Variants in MAPKBP1 observed in about 807,000 individuals in gnomAD.
MAPKBP1 encodes mitogen-activated protein kinase-binding protein 1.
MAPKBP1 carries 71 observed loss-of-function variants against 170.5 expected under a neutral mutation model. The observed-to-expected ratio is 0.42, with a 90% CI of 0.34 to 0.51. MAPKBP1 has a LOEUF of 0.51. MAPKBP1 is among the 20% of genes least tolerant of loss of function. The pLI is 0.06. For synonymous variants in MAPKBP1, 719 were observed against 757.9 expected (o/e 0.95, Z 0.84); for missense variants, 1,598 against 1,933.0 (o/e 0.83, Z 3.25).
chr15:41,797,180 A>G (rs2064506618), intron 2 of MAPKBP1, among the ~76,000 whole-genome samples: 1 of 152,106 alleles, frequency 6.6e-6, no homozygotes, highest in Non-Finnish European at 1.5e-5. Flanking sequence ...CACCTACCCA[A>G]ATTCCTGTTA....
At chr15:41,786,042 C>G (rs1404994167) in intron 2 of MAPKBP1, among the ~76,000 whole-genome samples, 2 of 151,988 alleles carry the variant, frequency 1.3e-5, no homozygotes, top group Non-Finnish European at 2.9e-5. Context: ...TTGTACCTGC[C>G]AGAAAGAATG....
intron 3 of MAPKBP1, among the ~76,000 whole-genome samples, chr15:41,800,258 TA>T (rs992032120): frequency 1.3e-5 from 2 of 152,224 alleles, no homozygotes; most frequent in Non-Finnish European, 2.9e-5. Flanking sequence ...ACTCACTATT[TA>T]AAATACCCAA....
intron 2 of MAPKBP1, among the ~76,000 whole-genome samples, chr15:41,779,186 C>T (rs1055692863): frequency 6.6e-5 from 10 of 152,040 alleles, no homozygotes; most frequent in African/African-American, 1.4e-4. Flanking sequence ...AGTGTTTGAA[C>T]GCATATATGA....
chr15:41,785,228 T>C (rs1307517732), intron 2 of MAPKBP1, among the ~76,000 whole-genome samples: 1 of 152,250 alleles, frequency 6.6e-6, no homozygotes, highest in Non-Finnish European at 1.5e-5. Flanking sequence ...TCGCCTCTTC[T>C]GTTCCAACAT....
intron 2 of MAPKBP1, among the ~76,000 whole-genome samples, chr15:41,795,411 G>A (rs1436216067): frequency 6.6e-6 from 1 of 151,884 alleles, no homozygotes; most frequent in African/African-American, 2.4e-5. Context: ...GGCTGGGGTG[G>A]AGTGAGTGAG....
At chr15:41,794,697 C>A (rs1296253135) in intron 2 of MAPKBP1, among the ~76,000 whole-genome samples, 1 of 152,090 alleles carries the variant, frequency 6.6e-6, no homozygotes, top group Non-Finnish European at 1.5e-5. Flanking sequence ...TATCAAGTGC[C>A]CATTGTATGC....
chr15:41,791,915 T>G (rs911059852), intron 2 of MAPKBP1, among the ~76,000 whole-genome samples: 9 of 151,766 alleles, frequency 5.9e-5, no homozygotes, highest in African/African-American at 1.7e-4. Context: ...ATTAGCCAGG[T>G]GTGGTGGCGC....
chr15:41,774,522 A>G lies in MAPKBP1; in HGVS notation c.-198A>G, dbSNP rs911474154. 1 of 398,422 alleles carries G rather than the reference A, an allele frequency of 2.5e-6. No homozygotes were observed. 24.7% of individuals were successfully genotyped at this position (398,422 alleles called of 1,614,324 possible). On this transcript the variant is annotated 5_prime_UTR_variant, in exon 1 of 31. Coordinates refer to ENST00000457542, the MANE Select transcript of MAPKBP1 (RefSeq NM_014994.3). ...CACCATAGCTCCTGCTGCTGCCTCT[A>G]CCGCTGCGGCTACCGCGGCGGAGCT...
chr15:41,820,767 TG>T, intron 22 of MAPKBP1, 64 bp from the exon 23 acceptor site: 2 of 1,191,680 alleles, frequency 1.7e-6, no homozygotes, highest in Non-Finnish European at 2.5e-6. Context: ...AAGGGATATG[TG>T]GATATTTGTT....
rs370019591 is a variant in MAPKBP1, at chr15:41,822,094, G to A, written c.3015G>A (p.Pro1005=). 54 of 1,607,128 alleles carry A rather than the reference G, an allele frequency of 3.4e-5. No homozygotes were observed. In the African/African-American group the frequency reaches 5.5e-4, roughly 16 times the overall value. Residue 1005 remains proline, a synonymous_variant, in exon 25 of 31, where the codon CCG becomes CCA. Transcript: ENST00000457542. ...VDYSSSCLSS[P]EHPTEDSEST... ...ACAGCAGCAGCTGCCTTTCCAGCCC[G>A]GAGCACCCCACTGAAGGTGAGGCTG...
chr15:41,774,560 C>T lies in MAPKBP1; in HGVS notation c.-160C>T, dbSNP rs1447844923. 3 of 398,682 alleles carry T rather than the reference C, an allele frequency of 7.5e-6. No individual in the cohort carries two copies. Among genetic ancestry groups the T allele is most frequent in the Admixed American group, 8.8e-5 (2 of 22,742 alleles). The allele number at this position is 398,682 out of a possible 1,614,324, so 24.7% of individuals were successfully genotyped here. A position where few individuals can be genotyped will look rare whatever the true frequency, so the allele number is the denominator to read the frequency against. On this transcript the variant is annotated 5_prime_UTR_variant, in exon 1 of 31. In the 5' UTR this introduces an upstream ATG that the reference lacks. Transcript: ENST00000457542. ...CCGCGGCGGAGCTGAAATTGCCGAA[C>T]GCGATGCCCGAGGGCGCTGTGAGCG...
intron 2 of MAPKBP1, among the ~76,000 whole-genome samples, chr15:41,777,491 C>T (rs917590055): frequency 1.3e-5 from 2 of 152,170 alleles, no homozygotes; most frequent in African/African-American, 4.8e-5. Flanking sequence ...AATAGGAATT[C>T]AGTGCTTCAG....
intron 8 of MAPKBP1, chr15:41,813,384 T>C: frequency 6.6e-7 from 1 of 1,521,680 alleles, no homozygotes; most frequent in South Asian, 1.1e-5. Flanking sequence ...TTTCTCATGC[T>C]ATTTCTTTCT....
chr15:41,786,114 G>A (rs1050352016), intron 2 of MAPKBP1, among the ~76,000 whole-genome samples: 9 of 152,006 alleles, frequency 5.9e-5, no homozygotes, highest in African/African-American at 1.9e-4. Context: ...GGGGAAAAAA[G>A]CAAATTGTAT....
Position 41,827,125 on chromosome 15 carries a change from G to GTA in MAPKBP1, c.*1690_*1691insAT, listed in dbSNP as rs1555456131. ...AGCCTGGCCAACATGGTGAAACCCTGTCTACTAAAAATAAAAAAATTAGCT... is the reference window on the plus strand; with the variant it reads ...AGCCTGGCCAACATGGTGAAACCCTGTATCTACTAAAAATAAAAAAATTAGCT... On this transcript the variant is annotated 3_prime_UTR_variant, in exon 31 of 31. Coordinates refer to ENST00000457542, the MANE Select transcript of MAPKBP1 (RefSeq NM_014994.3). The GTA allele has an allele frequency of 3.3e-5, 5 of 151,522 alleles. No individual in the cohort carries two copies. Among genetic ancestry groups the GTA allele is most frequent in the South Asian group, 2.1e-4 (1 of 4,796 alleles). The allele number at this position is 151,522 out of a possible 1,614,324, so 9.4% of individuals were successfully genotyped here.
rs537768262 is a variant in MAPKBP1 at position 41,819,345 on chromosome 15, G to T, written c.2391G>T (p.Leu797=). The T allele has an allele frequency of 9.3e-4, 1,500 of 1,614,194 alleles. 27 individuals are homozygous for T. In the South Asian group the frequency reaches 0.016, roughly 17 times the overall value. ...DEGTEEELPA[L]PVLAKSTKKA... is the part of the protein sequence containing the mutation. ...GGACTGAAGAAGAACTTCCAGCACT[G>T]CCCGTCCTTGCCAAGAGTACCAAGA... The change falls in exon 21 of 31, where the codon CTG becomes CTT. Residue 797 remains leucine (L), a synonymous_variant. Transcript: ENST00000457542.
At position 41,817,385 on chromosome 15, in the gene MAPKBP1, T is replaced by C; in HGVS notation, c.1712-3T>C. 1.2e-6 allele frequency: 2 copies of C among 1,614,128 alleles called. No homozygotes were observed. Among genetic ancestry groups the C allele is most frequent in the African/African-American group, 2.7e-5 (2 of 75,030 alleles). On this transcript the variant is annotated splice_region_variant and splice_polypyrimidine_tract_variant and intron_variant, in intron 14 of 30. Transcript: ENST00000457542. This position sits in a 1 kb window ranked among gnomAD's most constrained non-coding sequence, Gnocchi z 4.2. ...GGAACAGCTGGGCTTCCCTCCTTCA[T>C]AGCCAGTGATGGGCAAGTCCGCATG...
Position 41,774,577 on chromosome 15 carries a change from C to G in MAPKBP1, c.-143C>G, listed in dbSNP as rs563978601. 1.3e-5 allele frequency: 5 copies of G among 398,718 alleles called. No homozygotes were observed. The highest frequency in any genetic ancestry group is 8.2e-5 in the African/African-American group (4 of 48,772). The allele number at this position is 398,718 out of a possible 1,614,324, so 24.7% of individuals were successfully genotyped here. A position where few individuals can be genotyped will look rare whatever the true frequency, so the allele number is the denominator to read the frequency against. On this transcript the variant is annotated 5_prime_UTR_variant, in exon 1 of 31. Transcript: ENST00000457542. The stretch of plus-strand genomic sequence containing the variant: ...TTGCCGAACGCGATGCCCGAGGGCG[C>G]TGTGAGCGGGGTGGCCTTAGCTCGC...
chr15:41,812,644 G>A lies in MAPKBP1; in HGVS notation c.627G>A (p.Lys209=). 1 of 1,601,864 alleles carries A rather than the reference G, an allele frequency of 6.2e-7. No individual in the cohort carries two copies. The highest frequency in any genetic ancestry group is 1.1e-5 in the South Asian group (1 of 89,292). Residue 209 remains lysine (K), a synonymous_variant, in exon 7 of 31, where the codon AAG becomes AAA. Transcript: ENST00000457542. ...AATTCTGGTATCTCGATGACAGCAA[G>A]ACCTCAAAGGTGAGGTGCTGAAGCT... is the stretch of plus-strand genomic sequence containing the variant. The part of the protein sequence containing the change: ...HIKFWYLDDS[K]TSKVNATVPL...
Sources: gnomAD v4.1 joint callset for allele counts (sites outside exome capture counted in the v4.1 genomes callset) on GRCh38, gnomAD v4.1.1 for gene constraint, Gnocchi (gnomAD v3.1) non-coding constraint, MANE v1.5 for transcripts, NCBI Gene and HGNC (gene_info 2026-07-23, HGNC 2026-07-21) for gene names.